Variants in CDH18 observed in about 807,000 individuals in gnomAD.
CDH18 encodes cadherin-18.
A neutral mutation model predicts 67.9 loss-of-function variants in CDH18; 31 were observed. The ratio of observed to expected loss-of-function variants is 0.46; its 90% CI spans 0.34 to 0.62. CDH18 has a LOEUF of 0.62. Ranked by LOEUF, CDH18 falls within the 20% of genes least tolerant of loss-of-function variation. The pLI, the probability that CDH18 is intolerant of heterozygous loss-of-function variation, is 0.01. For missense variants in CDH18, 890 were observed against 975.5 expected (o/e 0.91, Z 1.17); for synonymous variants, 362 against 347.2 (o/e 1.04, Z -0.48).
chr5:19,472,532 G>C lies in CDH18; in HGVS notation c.*694C>G, dbSNP rs1737733822. On this transcript the variant is annotated 3_prime_UTR_variant, in exon 13 of 13. Transcript: ENST00000382275. ...CATTAAAATAAAAGGGGGTGTACGG[G>C]ATAGAGACAATAGTCTCGTGCTCAG... 6.6e-6 allele frequency among the ~76,000 whole-genome samples: 1 copy of C among 152,054 alleles called. No individual in the cohort carries two copies. Among genetic ancestry groups the C allele is most frequent in the African/African-American group, 2.4e-5 (1 of 41,404 alleles).
At chr5:20,104,995 AT>A (rs201703655) in intron 2 of CDH18, among the ~76,000 whole-genome samples, 4 of 149,748 alleles carry the variant, frequency 2.7e-5, no homozygotes, top group East Asian at 2.0e-4. Context: ...TTATAATTTT[AT>A]TTTTTTTTTG....
At chr5:20,192,144 G>A (rs1445250364) in intron 2 of CDH18, among the ~76,000 whole-genome samples, 7 of 150,698 alleles carry the variant, frequency 4.6e-5, no homozygotes, top group East Asian at 2.0e-4. Context: ...TTTCTTGGTC[G>A]CATAAATGTC....
intron 3 of CDH18, among the ~76,000 whole-genome samples, chr5:19,835,550 T>C (rs891488067): frequency 1.3e-5 from 2 of 151,974 alleles, no homozygotes; most frequent in Non-Finnish European, 2.9e-5. Flanking sequence ...AATGTATTTA[T>C]AAATGTGAGG....
intron 2 of CDH18, among the ~76,000 whole-genome samples, chr5:20,167,103 T>C (rs1031473628): frequency 3.3e-5 from 5 of 152,100 alleles, no homozygotes; most frequent in African/African-American, 7.2e-5. Flanking sequence ...CTTTTAACAA[T>C]CTCCATTGGC....
chr5:20,397,182 G>T (rs1745353150), intron 1 of CDH18, among the ~76,000 whole-genome samples: 1 of 152,140 alleles, frequency 6.6e-6, no homozygotes, highest in African/African-American at 2.4e-5. Flanking sequence ...TCAAGGTGGA[G>T]TGCAGTGGTA....
chr5:20,162,730 A>G (rs1393808569), intron 2 of CDH18, among the ~76,000 whole-genome samples: 2 of 151,668 alleles, frequency 1.3e-5, no homozygotes, highest in African/African-American at 4.8e-5. Flanking sequence ...TCTTTATAAT[A>G]TTCATATGTC....
At chr5:19,479,472 G>A (rs1252271030) in intron 12 of CDH18, among the ~76,000 whole-genome samples, 1 of 152,002 alleles carries the variant, frequency 6.6e-6, no homozygotes, top group African/African-American at 2.4e-5. Context: ...GATACTTTCT[G>A]AATAACAATA....
intron 1 of CDH18, among the ~76,000 whole-genome samples, chr5:20,308,596 T>C (rs74611238): frequency 0.068 from 10,334 of 151,434 alleles, 474 homozygotes; most frequent in South Asian, 0.18. Context: ...AGTAGTTGCA[T>C]TGATTTAATA....
chr5:19,881,638 A>C, intron 2 of CDH18, among the ~76,000 whole-genome samples: 1 of 151,146 alleles, frequency 6.6e-6, no homozygotes, highest in East Asian at 2.0e-4. Context: ...CCTTCCACGT[A>C]CCTGATTACA....
chr5:19,615,383 G>T (rs1749661136), intron 5 of CDH18, among the ~76,000 whole-genome samples: 1 of 152,048 alleles, frequency 6.6e-6, no homozygotes, highest in African/African-American at 2.4e-5. Context: ...CTTTTAAATA[G>T]ACTATATTTA....
intron 1 of CDH18, among the ~76,000 whole-genome samples, chr5:20,346,358 A>G (rs1043422736): frequency 6.6e-6 from 1 of 152,180 alleles, no homozygotes; most frequent in Admixed American, 6.5e-5. Flanking sequence ...GCCTACATTC[A>G]TTGTATGTGG....
At chr5:20,445,158 A>C (rs1260846280) in intron 1 of CDH18, among the ~76,000 whole-genome samples, 1 of 152,224 alleles carries the variant, frequency 6.6e-6, no homozygotes, top group Non-Finnish European at 1.5e-5. Flanking sequence ...AGAATTTAAA[A>C]TAATGGAGAA....
In CDH18 at chr5:19,683,909, G is replaced by A. The variant is rs183152390; in HGVS notation, c.643+37438C>T. 9.9e-5 allele frequency among the ~76,000 whole-genome samples: 15 copies of A among 152,122 alleles called. No individual in the cohort carries two copies. In the East Asian group the frequency reaches 2.5e-3, roughly 25 times the overall value. ...AGATTTCTTAGGCAGTGCCTGCATCGCCAGGAAACTTGAATGCCTGTAGGT... is the reference window on the plus strand; with the variant it reads ...AGATTTCTTAGGCAGTGCCTGCATCACCAGGAAACTTGAATGCCTGTAGGT... On this transcript the variant is annotated intron_variant, in intron 5 of 12. Transcript: ENST00000382275.
intron 4 of CDH18, among the ~76,000 whole-genome samples, chr5:19,738,745 G>A (rs1229056315): frequency 6.6e-6 from 1 of 152,158 alleles, no homozygotes; most frequent in African/African-American, 2.4e-5. Context: ...TGGGCAGAGG[G>A]TGGGAAGAGG....
chr5:20,172,214 A>ATACG lies in CDH18; in HGVS notation c.-518+83229_-518+83230insCGTA, dbSNP rs1554098758. Among the ~76,000 whole-genome samples the ATACG allele has an allele frequency of 3.5e-3, 114 of 32,850 alleles. 13 individuals are homozygous for ATACG. The highest frequency in any genetic ancestry group is 0.021 in the Middle Eastern group (1 of 48). 21.6% of individuals were successfully genotyped at this position (32,850 alleles called of 152,430 possible). On this transcript the variant is annotated intron_variant, in intron 2 of 14. Coordinates refer to the CDH18 transcript ENST00000507958. ...TGTATATATATATATATATATATAT[A>ATACG]TATATATATGTATATATATATATAT...
rs1741552608 is a variant in CDH18 at position 20,225,520 on chromosome 5, T to C, written c.-518+29924A>G. Among the ~76,000 whole-genome samples, 3 of 152,108 alleles carry C rather than the reference T, an allele frequency of 2.0e-5. No homozygotes were observed. The South Asian group carries it at 6.2e-4, about 31-fold the overall frequency. ...ATACAGACACACATTGAATATTTCT[T>C]GTGCTGTAGACATTCATAGGCTCAC... On this transcript the variant is annotated intron_variant, in intron 2 of 14. Transcript: ENST00000507958.
chr5:19,830,822 C>A (rs540962556), intron 3 of CDH18, among the ~76,000 whole-genome samples: 1 of 152,044 alleles, frequency 6.6e-6, no homozygotes, highest in Admixed American at 6.6e-5. Flanking sequence ...AATGACCATG[C>A]GGCACATACA....
chr5:19,627,165 T>A (rs779901895), intron 5 of CDH18, among the ~76,000 whole-genome samples: 4 of 152,156 alleles, frequency 2.6e-5, no homozygotes, highest in Non-Finnish European at 5.9e-5. Context: ...CTGGTGATTG[T>A]CTAGACTTGA....
chr5:19,757,459 TGCTGA>T (rs957879590), intron 3 of CDH18, among the ~76,000 whole-genome samples: 2 of 152,194 alleles, frequency 1.3e-5, no homozygotes, highest in Non-Finnish European at 2.9e-5. Flanking sequence ...ACGTCCATGT[TGCTGA>T]GCCCATGTGT....
Sources: allele counts gnomAD v4.1 joint callset (sites outside exome capture counted in the v4.1 genomes callset), GRCh38; gene constraint gnomAD v4.1.1; transcripts MANE v1.5; gene names NCBI Gene and HGNC (gene_info 2026-07-23, HGNC 2026-07-21).